The following STOM variants were observed in gnomAD, a reference collection of about 807,000 sequenced individuals.
STOM encodes erythrocyte band 7 integral membrane protein.
Under a neutral mutation model 30.6 loss-of-function variants are expected in STOM, and 25 were observed. The observed-to-expected ratio is 0.82, with a 90% CI of 0.60 to 1.14. The LOEUF (loss-of-function observed/expected upper bound fraction) is 1.14, where lower values mean the gene tolerates loss of function less well. Ranked by LOEUF, STOM falls within the 50% of genes most tolerant of loss-of-function variation. The pLI is 0.00. For missense variants in STOM, 292 were observed against 365.2 expected (o/e 0.80, Z 1.63); for synonymous variants, 118 against 130.8 (o/e 0.90, Z 0.67).
chr9:121,340,090 T>A lies in STOM; in HGVS notation c.*1112A>T. ...AATTGCATATAGAACGTAGAGAAAA[T>A]TTTATTAAAAAATTAAAACTATTTA... On this transcript the variant is annotated 3_prime_UTR_variant, in exon 7 of 7. Coordinates refer to ENST00000286713, the MANE Select transcript of STOM (RefSeq NM_004099.6). The A allele has an allele frequency of 2.0e-6, 2 of 977,132 alleles. No individual in the cohort carries two copies. Among genetic ancestry groups the A allele is most frequent in the Non-Finnish European group, 2.4e-6 (2 of 822,396 alleles). 60.5% of individuals were successfully genotyped at this position (977,132 alleles called of 1,614,324 possible).
At chr9:121,359,167 A>C (rs1259243432) in intron 1 of STOM, among the ~76,000 whole-genome samples, 1 of 152,208 alleles carries the variant, frequency 6.6e-6, no homozygotes, top group Non-Finnish European at 1.5e-5. Flanking sequence ...GTTACTGCTC[A>C]GAAGAAAGGG....
rs567425170 is a variant in STOM at position 121,343,811 on chromosome 9, T to C, written c.661-2403A>G. On this transcript the variant is annotated intron_variant, in intron 6 of 6. Transcript: ENST00000286713. ...TAGGCAATGGGAAGCTGCAGAATGA[T>C]TTTAAGCAGGTAAGTAAACTCCATC... Among the ~76,000 whole-genome samples, 9 of 152,270 alleles carry C rather than the reference T, an allele frequency of 5.9e-5. No homozygotes were observed. In the South Asian group the frequency reaches 8.3e-4, roughly 14 times the overall value.
At chr9:121,354,959 T>C (rs568969972) in intron 2 of STOM, among the ~76,000 whole-genome samples, 34 of 152,094 alleles carry the variant, frequency 2.2e-4, no homozygotes, top group Non-Finnish European at 4.1e-4. Context: ...GTTAACATTG[T>C]TATTCAGTTA....
At chr9:121,349,392 A>G (rs1011081669) in intron 4 of STOM, 69 bp from the exon 5 acceptor site, 4 of 1,355,738 alleles carry the variant, frequency 3.0e-6, no homozygotes, top group Admixed American at 3.5e-5. Flanking sequence ...AAGGAATGTT[A>G]TTCTACAGAA....
rs770528024 is a variant in STOM at position 121,341,412 on chromosome 9, T to A, written c.661-4A>T. ...TTTCTCCTTCGGCTGCAATAACCTATGGACAGGTGAAAGGAGGGGTTGAAC... is the reference window on the plus strand; with the variant it reads ...TTTCTCCTTCGGCTGCAATAACCTAAGGACAGGTGAAAGGAGGGGTTGAAC... On this transcript the variant is annotated splice_polypyrimidine_tract_variant and splice_region_variant and intron_variant, in intron 6 of 6. Coordinates refer to ENST00000286713, the MANE Select transcript of STOM (RefSeq NM_004099.6). 1.2e-6 allele frequency: 2 copies of A among 1,612,434 alleles called. No individual in the cohort carries two copies. The highest frequency in any genetic ancestry group is 2.7e-5 in the African/African-American group (2 of 74,846).
At chr9:121,345,920 T>C (rs1297667086) in intron 6 of STOM, among the ~76,000 whole-genome samples, 1 of 152,182 alleles carries the variant, frequency 6.6e-6, no homozygotes, top group Non-Finnish European at 1.5e-5. Flanking sequence ...AGAGCTTCAA[T>C]TTTTCCTTTG....
At position 121,356,175 on chromosome 9, in the gene STOM, A is replaced by G; in HGVS notation, c.62-19T>C. 1 of 1,598,680 alleles carries G rather than the reference A, an allele frequency of 6.3e-7. No homozygotes were observed. Among genetic ancestry groups the G allele is most frequent in the Non-Finnish European group, 8.6e-7 (1 of 1,166,942 alleles). ...GGGCTGTCTGTTGAAAACAAAAAAT[A>G]TACAACTCTCACAACTGTTACTAGC... On this transcript the variant is annotated intron_variant, in intron 1 of 6. Transcript: ENST00000286713.
intron 6 of STOM, 118 bp from the exon 7 acceptor site, chr9:121,341,526 C>T: frequency 7.6e-7 from 1 of 1,317,696 alleles, no homozygotes; most frequent in Non-Finnish European, 1.0e-6. Flanking sequence ...GGGCGTATGC[C>T]AGAGTAGTTT....
chr9:121,346,853 G>A (rs2064294109), intron 6 of STOM, among the ~76,000 whole-genome samples: 1 of 152,188 alleles, frequency 6.6e-6, no homozygotes, highest in African/African-American at 2.4e-5. Flanking sequence ...GTGGCTTAAA[G>A]GGCATCCTAA....
chr9:121,360,591 T>G (rs898331681), intron 1 of STOM, among the ~76,000 whole-genome samples: 1 of 152,222 alleles, frequency 6.6e-6, no homozygotes, highest in Admixed American at 6.5e-5. Context: ...TTTACTTAAG[T>G]GTTTGTATCT....
At chr9:121,345,999 TA>T (rs2064286159) in intron 6 of STOM, among the ~76,000 whole-genome samples, 1 of 152,126 alleles carries the variant, frequency 6.6e-6, no homozygotes, top group Non-Finnish European at 1.5e-5. Context: ...TTATTTAATT[TA>T]ATTTTTTTGA....
chr9:121,340,565 C>G lies in STOM; in HGVS notation c.*637G>C, dbSNP rs978870957. 1 of 608,148 alleles carries G rather than the reference C, an allele frequency of 1.6e-6. No individual in the cohort carries two copies. The highest frequency in any genetic ancestry group is 2.0e-5 in the African/African-American group (1 of 49,624). The allele number at this position is 608,148 out of a possible 1,614,324, so 37.7% of individuals were successfully genotyped here. A position where few individuals can be genotyped will look rare whatever the true frequency, so the allele number is the denominator to read the frequency against. ...TAGCCTGGCCAACATGGTGAAACCC[C>G]GTCTCTACTAAAAAACAATAATAAT... On this transcript the variant is annotated 3_prime_UTR_variant, in exon 7 of 7. Transcript: ENST00000286713.
intron 6 of STOM, among the ~76,000 whole-genome samples, chr9:121,342,304 C>T (rs921946596): frequency 8.7e-5 from 13 of 150,144 alleles, no homozygotes; most frequent in African/African-American, 3.2e-4. Flanking sequence ...CGGGAGGTTG[C>T]AGTGAGCCGA....
chr9:121,353,362 T>C (rs2064356481), intron 3 of STOM, 60 bp from the exon 4 acceptor site: 3 of 1,192,988 alleles, frequency 2.5e-6, no homozygotes, highest in Non-Finnish European at 2.4e-6. Flanking sequence ...CACTTCTCCA[T>C]TCAGTTTTAA....
chr9:121,369,502 G>T (rs574081799), intron 1 of STOM, among the ~76,000 whole-genome samples: 1 of 152,250 alleles, frequency 6.6e-6, no homozygotes, highest in South Asian at 2.1e-4. Flanking sequence ...GAGAACTCAG[G>T]GTTCCTGGCG....
At chr9:121,348,207 A>G (rs750819444) in intron 5 of STOM, 58 bp from the exon 6 acceptor site, 71 of 1,611,018 alleles carry the variant, frequency 4.4e-5, no homozygotes, top group Non-Finnish European at 5.7e-5. Context: ...ATGCTGACAG[A>G]GGCTGTATTC....
intron 6 of STOM, among the ~76,000 whole-genome samples, chr9:121,345,504 A>G (rs571714086): frequency 6.6e-6 from 1 of 152,296 alleles, no homozygotes; most frequent in South Asian, 2.1e-4. Context: ...TATTTGTTGA[A>G]GAAACTGTGA....
intron 1 of STOM, among the ~76,000 whole-genome samples, chr9:121,359,970 T>C (rs1466007869): frequency 6.6e-6 from 1 of 152,176 alleles, no homozygotes; most frequent in Non-Finnish European, 1.5e-5. Flanking sequence ...CAGGTCTAGG[T>C]TTCCAGGGTG....
chr9:121,355,234 A>T (rs10985218), intron 2 of STOM, among the ~76,000 whole-genome samples: 111 of 121,378 alleles, frequency 9.1e-4, no homozygotes, highest in East Asian at 2.8e-3. Context: ...TCCGTCTCAA[A>T]AAAAAAAAAA....
Sources: gnomAD v4.1 joint callset for allele counts (sites outside exome capture counted in the v4.1 genomes callset) on GRCh38, gnomAD v4.1.1 for gene constraint, MANE v1.5 for transcripts, NCBI Gene and HGNC (gene_info 2026-07-23, HGNC 2026-07-21) for gene names.